The following LRRC4C variants were observed in gnomAD, a reference collection of about 807,000 sequenced individuals.
The protein encoded by LRRC4C is leucine rich repeat containing 4C.
A neutral mutation model predicts 33.6 loss-of-function variants in LRRC4C; 5 were observed. The ratio of observed to expected loss-of-function variants is 0.15; its 90% confidence interval spans 0.08 to 0.31. LRRC4C has a LOEUF of 0.31. Among genes scored for constraint, LRRC4C ranks in the 10% least tolerant of loss-of-function variants. The pLI is 1.00. For synonymous variants in LRRC4C, 329 were observed against 302.0 expected (o/e 1.09, Z -0.93); for missense variants, 560 against 796.7 (o/e 0.70, Z 3.58).
At chr11:40,266,910 G>A (rs1590863331) in intron 4 of LRRC4C, among the ~76,000 whole-genome samples, 2 of 151,702 alleles carry the variant, frequency 1.3e-5, no homozygotes, top group South Asian at 2.1e-4. Context: ...TTTGGATTTC[G>A]GTGTATGTTT....
intron 1 of LRRC4C, among the ~76,000 whole-genome samples, chr11:41,009,912 G>A (rs913124630): frequency 1.2e-4 from 18 of 152,108 alleles, no homozygotes; most frequent in African/African-American, 3.6e-4. Flanking sequence ...TTATAATGAG[G>A]CCATTAGGGT....
chr11:41,309,938 G>A (rs971668100), intron 1 of LRRC4C, among the ~76,000 whole-genome samples: 1 of 152,176 alleles, frequency 6.6e-6, no homozygotes, highest in South Asian at 2.1e-4. Context: ...TCTCACTAGC[G>A]CCTCCTATCT....
intron 3 of LRRC4C, among the ~76,000 whole-genome samples, chr11:40,397,119 TA>T (rs1949572117): frequency 6.6e-6 from 1 of 152,098 alleles, no homozygotes; most frequent in Non-Finnish European, 1.5e-5. Context: ...AAGACTCTGA[TA>T]TCCTGTGATT....
chr11:41,378,198 G>A (rs1223856910), intron 1 of LRRC4C, among the ~76,000 whole-genome samples: 1 of 152,130 alleles, frequency 6.6e-6, no homozygotes, highest in Non-Finnish European at 1.5e-5. Flanking sequence ...CAAAAGGCCA[G>A]TAGGACTTTA....
intron 1 of LRRC4C, among the ~76,000 whole-genome samples, chr11:41,116,053 T>C (rs972984692): frequency 1.3e-5 from 2 of 152,278 alleles, no homozygotes; most frequent in Admixed American, 1.3e-4. Context: ...TAACCTGTAT[T>C]ACTTTTCATG....
intron 2 of LRRC4C, among the ~76,000 whole-genome samples, chr11:40,836,032 G>T (rs141006758): frequency 2.9e-4 from 44 of 152,240 alleles, no homozygotes; most frequent in East Asian, 1.7e-3. Context: ...CTTAATTCCA[G>T]TCACTGTACG....
chr11:40,859,958 C>T lies in LRRC4C; in HGVS notation c.-407+73677G>A, dbSNP rs151312839. 2.5e-3 allele frequency among the ~76,000 whole-genome samples: 381 copies of T among 151,954 alleles called. 4 individuals carry two copies. The highest frequency in any genetic ancestry group is 8.0e-3 in the African/African-American group (330 of 41,462). Reference sequence around the variant, plus strand: ...AAAATTAGCTGGGCCTGGTGGCAGGCGCCTGTAGTCCCAGCTACTTGGTAG... The same window carrying T: ...AAAATTAGCTGGGCCTGGTGGCAGGTGCCTGTAGTCCCAGCTACTTGGTAG... On this transcript the variant is annotated intron_variant, in intron 2 of 6. Transcript: ENST00000528697.
At chr11:40,122,976 CACACACACACAT>C (rs912907692) in intron 6 of LRRC4C, among the ~76,000 whole-genome samples, 14 of 141,886 alleles carry the variant, frequency 9.9e-5, no homozygotes, top group Admixed American at 3.6e-4. Context: ...CACACACACA[CACACACACACAT>C]ATATACTATT....
At chr11:41,246,276 G>T (rs529446346) in intron 1 of LRRC4C, among the ~76,000 whole-genome samples, 2 of 152,282 alleles carry the variant, frequency 1.3e-5, no homozygotes, top group South Asian at 4.1e-4. Flanking sequence ...GCAGCAGGGG[G>T]CTAGTGTGTG....
chr11:40,849,919 T>G (rs1349485735), intron 2 of LRRC4C, among the ~76,000 whole-genome samples: 1 of 151,572 alleles, frequency 6.6e-6, no homozygotes, highest in African/African-American at 2.4e-5. Context: ...CTTGATCCAT[T>G]TGGCTGTTGA....
chr11:40,201,224 T>TTATTA (rs1356255438), intron 5 of LRRC4C, among the ~76,000 whole-genome samples: 1 of 152,202 alleles, frequency 6.6e-6, no homozygotes, highest in Non-Finnish European at 1.5e-5. Context: ...TGGGAGCTGC[T>TTATTA]TATTAGCACC....
At chr11:41,385,687 T>C (rs1953334224) in intron 1 of LRRC4C, among the ~76,000 whole-genome samples, 1 of 151,232 alleles carries the variant, frequency 6.6e-6, no homozygotes, top group Admixed American at 6.6e-5. Context: ...AATCTAAAAA[T>C]TAGGAGGTTA....
chr11:40,382,519 C>T (rs944636945), intron 3 of LRRC4C, among the ~76,000 whole-genome samples: 1 of 151,262 alleles, frequency 6.6e-6, no homozygotes, highest in Non-Finnish European at 1.5e-5. Context: ...TTCCTCCAAC[C>T]CTCTTTATTT....
At chr11:40,550,553 A>AGCAGGAAGT (rs904863088) in intron 3 of LRRC4C, among the ~76,000 whole-genome samples, 5 of 152,206 alleles carry the variant, frequency 3.3e-5, no homozygotes, top group African/African-American at 1.2e-4. Flanking sequence ...TATGTGGAAA[A>AGCAGGAAGT]GCAGGAAGTG....
chr11:40,143,706 C>T (rs770220048), intron 5 of LRRC4C, among the ~76,000 whole-genome samples: 1 of 152,178 alleles, frequency 6.6e-6, no homozygotes, highest in Non-Finnish European at 1.5e-5. Flanking sequence ...ACATAACCAT[C>T]CTTGTTCTCA....
chr11:40,936,994 C>G (rs1957930657), intron 1 of LRRC4C, among the ~76,000 whole-genome samples: 1 of 152,168 alleles, frequency 6.6e-6, no homozygotes, highest in Non-Finnish European at 1.5e-5. Context: ...AACAAAGTAA[C>G]TGTCTAACAT....
At chr11:41,029,630 A>G (rs569636174) in intron 1 of LRRC4C, among the ~76,000 whole-genome samples, 22 of 151,936 alleles carry the variant, frequency 1.4e-4, no homozygotes, top group Admixed American at 4.6e-4. Flanking sequence ...GGCAGCTTCT[A>G]TCAGTGATTC....
At chr11:40,739,029 A>ATG (rs746979119) in intron 2 of LRRC4C, among the ~76,000 whole-genome samples, 4,272 of 137,236 alleles carry the variant, frequency 0.031, 154 homozygotes, top group African/African-American at 0.08. Context: ...GTGTGTGTGT[A>ATG]TGTGTGTGTG....
intron 1 of LRRC4C, among the ~76,000 whole-genome samples, chr11:41,379,323 A>T (rs927905133): frequency 6.6e-6 from 1 of 152,100 alleles, no homozygotes; most frequent in Non-Finnish European, 1.5e-5. Context: ...ATGGTTACTG[A>T]TTCTTCCTGT....
Sources: gnomAD v4.1 joint callset for allele counts (sites outside exome capture counted in the v4.1 genomes callset) on GRCh38, gnomAD v4.1.1 for gene constraint, MANE v1.5 for transcripts, NCBI Gene and HGNC (gene_info 2026-07-23, HGNC 2026-07-21) for gene names.